ZFPM1: variants seen among roughly 807,000 people sequenced by gnomAD.
The protein encoded by ZFPM1 is zinc finger protein, FOG family member 1.
In ZFPM1, 28 loss-of-function variants were observed where a neutral mutation model predicts 46.3. The observed-to-expected ratio is 0.60, with a 90% confidence interval of 0.45 to 0.83. ZFPM1 has a LOEUF of 0.83. Among genes scored for constraint, ZFPM1 ranks in the 40% least tolerant of loss-of-function variants. The probability of loss-of-function intolerance (pLI) is 0.00; values close to 1 mark genes in which losing one functional copy is unlikely to be tolerated. For missense variants in ZFPM1, 1,878 were observed against 1,432.4 expected (o/e 1.31, Z -5.02); for synonymous variants, 957 against 675.9 (o/e 1.42, Z -6.45).
At chr16:88,477,141 G>A (rs1023632687) in intron 1 of ZFPM1, among the ~76,000 whole-genome samples, 2 of 152,234 alleles carry the variant, frequency 1.3e-5, no homozygotes, top group African/African-American at 4.8e-5. Flanking sequence ...GGACATAGAG[G>A]GAACCACAGG....
chr16:88,478,496 G>A (rs1021382560), intron 1 of ZFPM1, among the ~76,000 whole-genome samples: 11 of 152,246 alleles, frequency 7.2e-5, no homozygotes, highest in African/African-American at 9.6e-5. Context: ...ACCTGGTGCC[G>A]GCATCCCTGT....
chr16:88,462,815 C>A (rs1907958498), intron 1 of ZFPM1, among the ~76,000 whole-genome samples: 1 of 149,356 alleles, frequency 6.7e-6, no homozygotes, highest in Admixed American at 6.6e-5. Context: ...AGTCACTCAG[C>A]CACCCTGAGC....
rs1910013837 is a variant in ZFPM1, at chr16:88,497,733, G to A, written c.268+8580G>A. 1.3e-5 allele frequency among the ~76,000 whole-genome samples: 2 copies of A among 152,286 alleles called. No homozygotes were observed. The highest frequency in any genetic ancestry group is 2.1e-4 in the South Asian group (1 of 4,832). ...AGGAGGGCTCTGTCCACTATTTCCT[G>A]CCTGAGGCCCACGAAGGGTCCCCCG... is the stretch of plus-strand genomic sequence containing the variant. On this transcript the variant is annotated intron_variant, in intron 3 of 9. Coordinates refer to ENST00000319555, the MANE Select transcript of ZFPM1 (RefSeq NM_153813.3). This position sits in a 1 kb window ranked among gnomAD's most constrained non-coding sequence, Gnocchi z 5.4.
rs80328035 is a variant in ZFPM1, at chr16:88,501,285, G to T, written c.268+12132G>T. Among the ~76,000 whole-genome samples the T allele has an allele frequency of 2.0e-3, 142 of 69,718 alleles. 10 individuals are homozygous for T. Among genetic ancestry groups the T allele is most frequent in the Middle Eastern group, 0.022 (2 of 92 alleles). 45.7% of individuals were successfully genotyped at this position (69,718 alleles called of 152,430 possible). On this transcript the variant is annotated intron_variant, in intron 3 of 9. Transcript: ENST00000319555. The stretch of plus-strand genomic sequence containing the variant: ...GATGGAGATAGTGGGCCTGGGTGCG[G>T]GGGCCCTCCCGCAGGTGCTGGTGAT...
At chr16:88,490,384 G>C (rs1597246330) in intron 3 of ZFPM1, among the ~76,000 whole-genome samples, 1 of 152,262 alleles carries the variant, frequency 6.6e-6, no homozygotes, top group African/African-American at 2.4e-5. Flanking sequence ...CTGTGTGCCA[G>C]GCATATAGCC....
intron 1 of ZFPM1, among the ~76,000 whole-genome samples, chr16:88,462,446 A>T (rs1207164546): frequency 2.6e-5 from 4 of 152,110 alleles, no homozygotes; most frequent in Non-Finnish European, 5.9e-5. Context: ...GGGGTCAGAG[A>T]GGGTGGGTGG....
At chr16:88,510,758 A>C (rs1355959259) in intron 3 of ZFPM1, among the ~76,000 whole-genome samples, 1 of 152,206 alleles carries the variant, frequency 6.6e-6, no homozygotes, top group Non-Finnish European at 1.5e-5. Flanking sequence ...ACCTCAGCTC[A>C]GAAGAGCCCT....
At position 88,534,415 on chromosome 16, in the gene ZFPM1, C is replaced by T. The variant is rs1457792772; in HGVS notation, c.2457C>T (p.Cys819=). 2 of 1,489,004 alleles carry T rather than the reference C, an allele frequency of 1.3e-6. No homozygotes were observed. Among genetic ancestry groups the T allele is most frequent in the South Asian group, 1.2e-5 (1 of 81,380 alleles). 92.2% of individuals were successfully genotyped at this position (1,489,004 alleles called of 1,614,324 possible). A position where few individuals can be genotyped will look rare whatever the true frequency, so the allele number is the denominator to read the frequency against. Residue 819 remains cysteine (C), a synonymous_variant, in exon 10 of 10, where the codon TGC becomes TGT. Transcript: ENST00000319555. ...CGGCGCTGGCCGACTACCACGAGTG[C>T]ACGGCCTGCCGCGTGAGCTTCCACA... is the stretch of plus-strand genomic sequence containing the variant. ...PAPALADYHE[C]TACRVSFHSL...
intron 4 of ZFPM1, among the ~76,000 whole-genome samples, chr16:88,520,830 TG>T (rs1911811445): frequency 2.5e-5 from 1 of 39,846 alleles, no homozygotes; most frequent in Non-Finnish European, 4.6e-5. Context: ...GATGGATGGA[TG>T]GGAGGGAGGG....
At chr16:88,461,194 G>GCCTGGTGAGGACCCAGGGGCGGGAGA (rs1907859967) in intron 1 of ZFPM1, among the ~76,000 whole-genome samples, 1 of 126,024 alleles carries the variant, frequency 7.9e-6, no homozygotes, top group Non-Finnish European at 1.6e-5. Context: ...GGGGCGGGAG[G>GCCTGGTGAGGACCCAGGGGCGGGAGA]CCTGGTGAGG....
chr16:88,524,406 G>A (rs1267176923), intron 4 of ZFPM1, among the ~76,000 whole-genome samples: 1 of 152,198 alleles, frequency 6.6e-6, no homozygotes, highest in Non-Finnish European at 1.5e-5. Context: ...CAGCTGGCGT[G>A]CAGTTCCTGA....
At position 88,499,626 on chromosome 16, in the gene ZFPM1, C is replaced by T. The variant is rs148298449; in HGVS notation, c.268+10473C>T. ...CCCCACCTGGGTGGCCCCTGAATCC[C>T]GCTGGCTGGGTGGAGGACGGCTCAG... On this transcript the variant is annotated intron_variant, in intron 3 of 9. Transcript: ENST00000319555. 1.3e-3 allele frequency among the ~76,000 whole-genome samples: 195 copies of T among 152,352 alleles called. 1 individual carries two copies. Among genetic ancestry groups the T allele is most frequent in the South Asian group, 5.6e-3 (27 of 4,832 alleles).
At chr16:88,519,844 T>G (rs1166024910) in intron 4 of ZFPM1, among the ~76,000 whole-genome samples, 1 of 147,468 alleles carries the variant, frequency 6.8e-6, no homozygotes, top group Non-Finnish European at 1.5e-5. Context: ...AGATGGTGGG[T>G]AGATGGATGT....
chr16:88,504,836 T>C (rs576168431), intron 3 of ZFPM1, among the ~76,000 whole-genome samples: 1 of 152,272 alleles, frequency 6.6e-6, no homozygotes, highest in African/African-American at 2.4e-5. Flanking sequence ...ACTGCCCCAC[T>C]GCCCCTGTGG....
chr16:88,485,842 C>T, intron 1 of ZFPM1, 97 bp from the exon 2 acceptor site: 3 of 1,176,500 alleles, frequency 2.5e-6, no homozygotes, highest in South Asian at 2.7e-5. Flanking sequence ...GCCATTTCCG[C>T]CTGGGCACCG....
intron 3 of ZFPM1, among the ~76,000 whole-genome samples, chr16:88,501,124 T>G: frequency 7.0e-6 from 1 of 142,124 alleles, no homozygotes; most frequent in Non-Finnish European, 1.5e-5. Context: ...ATAGCAGACA[T>G]GGATGCGGGG....
intron 1 of ZFPM1, among the ~76,000 whole-genome samples, chr16:88,484,340 G>A (rs1186530400): frequency 6.6e-6 from 1 of 152,232 alleles, no homozygotes; most frequent in Non-Finnish European, 1.5e-5. Flanking sequence ...CCAGGGATGG[G>A]GCGCTCAGCC....
chr16:88,534,836 C>G lies in ZFPM1; in HGVS notation c.2878C>G (p.Pro960Ala). Residue 960 changes from proline to alanine, a missense_variant, in exon 10 of 10, where the codon CCC becomes GCC. By Grantham distance (27) the Pro-to-Ala change is conservative (BLOSUM62 -1). Transcript: ENST00000319555. Reference protein sequence around the residue: ...PSYSDKGVQTPSKGTPAPLPN... With the variant: ...PSYSDKGVQTASKGTPAPLPN... ...CTACTCGGACAAGGGCGTCCAGACT[C>G]CCAGCAAGGGCACGCCGGCGCCGCT... 1.3e-6 allele frequency: 2 copies of G among 1,552,994 alleles called. No individual in the cohort carries two copies. The highest frequency in any genetic ancestry group is 2.6e-5 in the East Asian group (1 of 38,740).
intron 4 of ZFPM1, among the ~76,000 whole-genome samples, chr16:88,515,814 C>A (rs1911261306): frequency 6.6e-6 from 1 of 152,222 alleles, no homozygotes; most frequent in Non-Finnish European, 1.5e-5. Flanking sequence ...TTCTGTGGGG[C>A]GTGAGCTCCC....
Sources: allele counts gnomAD v4.1 joint callset (sites outside exome capture counted in the v4.1 genomes callset), GRCh38; gene constraint gnomAD v4.1.1; non-coding constraint Gnocchi (gnomAD v3.1); transcripts MANE v1.5; gene names NCBI Gene and HGNC (gene_info 2026-07-23, HGNC 2026-07-21).